Variants in MAGI3 observed in about 807,000 individuals in gnomAD.
The protein encoded by MAGI3 is membrane associated guanylate kinase, WW and PDZ domain containing 3, also known as membrane-associated guanylate kinase, WW and PDZ domain-containing protein 3.
Under a neutral mutation model 121.8 loss-of-function variants are expected in MAGI3, and 43 were observed. That is an observed-to-expected ratio of 0.35 (90% CI 0.28 to 0.46). MAGI3 has a LOEUF of 0.46. MAGI3 is among the 20% of genes least tolerant of loss of function. MAGI3 has a pLI of 1.00. For missense variants in MAGI3, 1,547 were observed against 1,797.3 expected (o/e 0.86, Z 2.52); for synonymous variants, 553 against 639.3 (o/e 0.86, Z 2.04).
intron 1 of MAGI3, among the ~76,000 whole-genome samples, chr1:113,468,239 C>G (rs959468946): frequency 2.6e-5 from 4 of 152,090 alleles, no homozygotes; most frequent in Non-Finnish European, 1.5e-5. Context: ...TATATAGTGA[C>G]TTAGTACTAC....
intron 1 of MAGI3, among the ~76,000 whole-genome samples, chr1:113,473,604 T>A (rs1465003284): frequency 1.3e-5 from 2 of 152,214 alleles, no homozygotes; most frequent in East Asian, 3.9e-4. Flanking sequence ...CTCATCCTTT[T>A]TTTATGACTG....
intron 1 of MAGI3, among the ~76,000 whole-genome samples, chr1:113,472,483 AT>A (rs1388550132): frequency 6.6e-6 from 1 of 152,084 alleles, no homozygotes; most frequent in Admixed American, 6.5e-5. Context: ...ATCCCTTTAC[AT>A]TTAAAATAAT....
chr1:113,431,244 A>T (rs904284335), intron 1 of MAGI3, among the ~76,000 whole-genome samples: 1 of 152,224 alleles, frequency 6.6e-6, no homozygotes, highest in Non-Finnish European at 1.5e-5. Context: ...CTTGAGCCCA[A>T]GAGTTCGAAG....
At chr1:113,444,765 C>T (rs1654087555) in intron 1 of MAGI3, among the ~76,000 whole-genome samples, 2 of 152,084 alleles carry the variant, frequency 1.3e-5, no homozygotes, top group Admixed American at 1.3e-4. Context: ...GAAACTCTTC[C>T]TGAAAAAGAC....
At chr1:113,457,946 A>G (rs1654837955) in intron 1 of MAGI3, among the ~76,000 whole-genome samples, 1 of 152,208 alleles carries the variant, frequency 6.6e-6, no homozygotes, top group African/African-American at 2.4e-5. Flanking sequence ...ATTCAGGGAC[A>G]GAAAGGAGGC....
intron 1 of MAGI3, among the ~76,000 whole-genome samples, chr1:113,433,901 T>C (rs1025815377): frequency 2.0e-5 from 3 of 152,208 alleles, no homozygotes; most frequent in Admixed American, 6.5e-5. Context: ...AGTCACAATT[T>C]GTGATTTAAT....
chr1:113,460,606 A>G (rs1654982346), intron 1 of MAGI3, among the ~76,000 whole-genome samples: 1 of 152,062 alleles, frequency 6.6e-6, no homozygotes, highest in Non-Finnish European at 1.5e-5. Context: ...TCAGGAGATC[A>G]AGACCATCCT....
intron 9 of MAGI3, among the ~76,000 whole-genome samples, chr1:113,625,004 G>A (rs1003583656): frequency 6.6e-6 from 1 of 152,080 alleles, no homozygotes; most frequent in African/African-American, 2.4e-5. Flanking sequence ...TCTTGAAAAT[G>A]AGTTCATTGT....
chr1:113,489,312 C>T (rs1176066874), intron 1 of MAGI3, among the ~76,000 whole-genome samples: 2 of 152,128 alleles, frequency 1.3e-5, no homozygotes, highest in African/African-American at 2.4e-5. Flanking sequence ...AGAAATGAAG[C>T]CAGTCTGCTG....
chr1:113,581,461 C>T (rs1648021992), intron 3 of MAGI3, among the ~76,000 whole-genome samples: 1 of 152,110 alleles, frequency 6.6e-6, no homozygotes, highest in Non-Finnish European at 1.5e-5. Flanking sequence ...TTTAGCAGCA[C>T]CATGATCTCA....
At chr1:113,624,217 A>G (rs1651076275) in intron 9 of MAGI3, among the ~76,000 whole-genome samples, 1 of 152,214 alleles carries the variant, frequency 6.6e-6, no homozygotes. Flanking sequence ...TTGTGGGTAT[A>G]TACTCAGCAG....
rs1306689339 is a variant in MAGI3 at position 113,390,582 on chromosome 1, C to T, written c.-452C>T. On this transcript the variant is annotated 5_prime_UTR_variant, in exon 1 of 21. Transcript: ENST00000307546. ...GCTCCGCAGCGGCCACGATCGATCC[C>T]GCGACGGGTCTACGCGCGCTTCTGC... Among the ~76,000 whole-genome samples the T allele has an allele frequency of 3.9e-5, 6 of 152,076 alleles. No homozygotes were observed. The highest frequency in any genetic ancestry group is 5.9e-5 in the Non-Finnish European group (4 of 67,932).
intron 1 of MAGI3, among the ~76,000 whole-genome samples, chr1:113,462,280 T>C (rs1352350724): frequency 6.6e-6 from 1 of 152,190 alleles, no homozygotes; most frequent in Non-Finnish European, 1.5e-5. Context: ...ATTGCAGCAC[T>C]ATTCACAATA....
At chr1:113,490,701 A>C (rs776328374) in intron 1 of MAGI3, among the ~76,000 whole-genome samples, 3 of 152,194 alleles carry the variant, frequency 2.0e-5, no homozygotes, top group African/African-American at 7.2e-5. Context: ...CAAATGGAAA[A>C]CAGAAAAAAG....
intron 1 of MAGI3, among the ~76,000 whole-genome samples, chr1:113,521,155 C>T (rs1444947481): frequency 2.0e-5 from 3 of 150,334 alleles, no homozygotes; most frequent in Admixed American, 6.6e-5. Context: ...GGCTCAATCT[C>T]GGCTCACTGC....
chr1:113,615,034 A>T lies in MAGI3; in HGVS notation c.1076+376A>T, dbSNP rs572540590. ...TGTATCCTTCTGAAAGCAGTGGAAGATCTTTAGGGCATTATAACATAATTA... is the reference window on the plus strand; with the variant it reads ...TGTATCCTTCTGAAAGCAGTGGAAGTTCTTTAGGGCATTATAACATAATTA... On this transcript the variant is annotated intron_variant, in intron 7 of 20. Transcript: ENST00000307546. Among the ~76,000 whole-genome samples the T allele has an allele frequency of 2.0e-5, 3 of 152,290 alleles. No homozygotes were observed. In the East Asian group the frequency reaches 5.8e-4, roughly 29 times the overall value.
chr1:113,449,602 T>C lies in MAGI3; in HGVS notation c.316+58253T>C, dbSNP rs928867356. On this transcript the variant is annotated intron_variant, in intron 1 of 20. Transcript: ENST00000307546. Reference sequence around the variant, plus strand: ...CTGCAAGTGCATTTTTTTTTCCCAATAGATTGAGTTTATTATCAACATTCA... The same window carrying C: ...CTGCAAGTGCATTTTTTTTTCCCAACAGATTGAGTTTATTATCAACATTCA... The C allele has an allele frequency of 4.7e-6, 3 of 640,698 alleles. No individual in the cohort carries two copies. In the Admixed American group the frequency reaches 7.6e-5, roughly 16 times the overall value. The allele number at this position is 640,698 out of a possible 1,614,324, so 39.7% of individuals were successfully genotyped here.
intron 1 of MAGI3, among the ~76,000 whole-genome samples, chr1:113,417,153 G>T (rs1652492931): frequency 6.6e-6 from 1 of 151,240 alleles, no homozygotes; most frequent in African/African-American, 2.4e-5. Context: ...ATCTATTTTA[G>T]GCATATGGTT....
intron 1 of MAGI3, among the ~76,000 whole-genome samples, chr1:113,432,737 G>T (rs922354485): frequency 4.0e-5 from 6 of 151,894 alleles, no homozygotes; most frequent in Admixed American, 3.9e-4. Flanking sequence ...ATTAAAAAAA[G>T]GCAAATCAGA....
Sources: gnomAD v4.1 joint callset for allele counts (sites outside exome capture counted in the v4.1 genomes callset) on GRCh38, gnomAD v4.1.1 for gene constraint, MANE v1.5 for transcripts, NCBI Gene and HGNC (gene_info 2026-07-23, HGNC 2026-07-21) for gene names.